The following ADCY9 variants were observed in gnomAD, a reference collection of about 807,000 sequenced individuals.
ADCY9 encodes adenylate cyclase type 9.
Under a neutral mutation model 101.5 loss-of-function variants are expected in ADCY9, and 50 were observed. The ratio of observed to expected loss-of-function variants is 0.49; its 90% CI spans 0.39 to 0.62. The LOEUF (loss-of-function observed/expected upper bound fraction) is 0.62. Among genes scored for constraint, ADCY9 ranks in the 20% least tolerant of loss-of-function variants. ADCY9 has a pLI of 0.00. For synonymous variants in ADCY9, 905 were observed against 769.3 expected (o/e 1.18, Z -2.92); for missense variants, 1,662 against 1,800.4 (o/e 0.92, Z 1.39).
At chr16:3,960,365 C>G (rs1271816710), downstream of ADCY9, among the ~76,000 whole-genome samples, 1 of 151,992 alleles carries the variant, frequency 6.6e-6, no homozygotes, top group Non-Finnish European at 1.5e-5. Flanking sequence ...ACTAAAAATA[C>G]AAAAGTTAGC....
At position 4,016,942 on chromosome 16, in the gene ADCY9, A is replaced by G. The variant is rs138613132; in HGVS notation, c.1694-9384T>C. ...TGAATATACTAAAAACCACCAAATC[A>G]TACACTTGAGAGGGTGAATTGCATC... is the stretch of plus-strand genomic sequence containing the variant. On this transcript the variant is annotated intron_variant, in intron 2 of 10. Transcript: ENST00000294016. Among the ~76,000 whole-genome samples the G allele has an allele frequency of 6.6e-5, 10 of 152,336 alleles. No homozygotes were observed. The East Asian group carries it at 1.7e-3, about 26-fold the overall frequency.
intron 2 of ADCY9, among the ~76,000 whole-genome samples, chr16:4,008,960 C>A (rs1204994819): frequency 6.6e-6 from 1 of 152,178 alleles, no homozygotes; most frequent in Admixed American, 6.5e-5. Context: ...ACTCTGGCTT[C>A]TTACGCTGGG....
At chr16:3,978,756 A>G (rs2141684572) in intron 8 of ADCY9, among the ~76,000 whole-genome samples, 1 of 152,208 alleles carries the variant, frequency 6.6e-6, no homozygotes, top group South Asian at 2.1e-4. Flanking sequence ...GTCTCGCTCC[A>G]TCACCCAGGC....
intron 10 of ADCY9, among the ~76,000 whole-genome samples, chr16:3,971,154 G>A (rs376699938): frequency 1.3e-5 from 2 of 152,000 alleles, no homozygotes; most frequent in South Asian, 4.2e-4. Context: ...CCTAATACAA[G>A]CCTGGACACC....
chr16:3,974,216 T>C (rs1456595250), intron 10 of ADCY9, among the ~76,000 whole-genome samples: 1 of 152,130 alleles, frequency 6.6e-6, no homozygotes, highest in East Asian at 1.9e-4. Context: ...TAATTTTTTG[T>C]ATTTTGTTTA....
chr16:4,034,082 C>T (rs1019441575), intron 2 of ADCY9, among the ~76,000 whole-genome samples: 3 of 152,214 alleles, frequency 2.0e-5, no homozygotes, highest in Non-Finnish European at 2.9e-5. Flanking sequence ...GGCTGCCGTG[C>T]GCCAACAAGG....
chr16:4,092,421 T>C (rs1406492897), intron 2 of ADCY9, among the ~76,000 whole-genome samples: 2 of 152,218 alleles, frequency 1.3e-5, no homozygotes, highest in Non-Finnish European at 2.9e-5. Flanking sequence ...TTCTGGTAAA[T>C]TTTCATAAAA....
At chr16:3,998,052 C>T (rs780093547) in intron 3 of ADCY9, among the ~76,000 whole-genome samples, 28 of 152,250 alleles carry the variant, frequency 1.8e-4, no homozygotes, top group Non-Finnish European at 3.2e-4. Context: ...CCAGATTGTG[C>T]CACTGCACTC....
chr16:4,096,580 A>G lies in ADCY9; in HGVS notation c.1693+17170T>C, dbSNP rs150727838. ...AATCACATTAATGAACATCAGAAGC[A>G]GTGGCCTTTCCTTATGGGAAAAAGA... is the stretch of plus-strand genomic sequence containing the variant. On this transcript the variant is annotated intron_variant, in intron 2 of 10. Transcript: ENST00000294016. Among the ~76,000 whole-genome samples, 940 of 152,362 alleles carry G rather than the reference A, an allele frequency of 6.2e-3. 10 individuals are homozygous for G. Among genetic ancestry groups the G allele is most frequent in the African/African-American group, 0.022 (896 of 41,584 alleles).
chr16:3,960,286 G>T (rs549438270), downstream of ADCY9, among the ~76,000 whole-genome samples: 2 of 151,992 alleles, frequency 1.3e-5, no homozygotes, highest in African/African-American at 4.8e-5. Flanking sequence ...TAGGGAGGCT[G>T]AGGCAAGTGG....
At chr16:4,089,255 A>G (rs1284455978) in intron 2 of ADCY9, among the ~76,000 whole-genome samples, 1 of 151,924 alleles carries the variant, frequency 6.6e-6, no homozygotes, top group African/African-American at 2.4e-5. Context: ...TTGAGTTGAC[A>G]GGATTTTGAC....
chr16:3,954,790 A>G (rs1464170111), intron 5 of ADCY9, among the ~76,000 whole-genome samples: 1 of 152,192 alleles, frequency 6.6e-6, no homozygotes, highest in East Asian at 1.9e-4. Flanking sequence ...TACTGTGGAC[A>G]CAGATGGGGA....
rs553043723 is a variant in ADCY9 at position 4,038,141 on chromosome 16, C to T, written c.1694-30583G>A. On this transcript the variant is annotated intron_variant, in intron 2 of 10. Transcript: ENST00000294016. ...ACAAAATTGTTTTTAATGAGCCAGA[C>T]GTGGTGGCACACGCCTGTGGTCTCA... Among the ~76,000 whole-genome samples, 11 of 152,160 alleles carry T rather than the reference C, an allele frequency of 7.2e-5. No homozygotes were observed. The East Asian group carries it at 1.5e-3, about 21-fold the overall frequency.
At chr16:3,987,469 A>T (rs756685237) in intron 6 of ADCY9, among the ~76,000 whole-genome samples, 2 of 152,228 alleles carry the variant, frequency 1.3e-5, no homozygotes, top group Non-Finnish European at 2.9e-5. Flanking sequence ...CCACCTGTTC[A>T]GCCTTGCTCA....
chr16:4,084,108 G>C (rs1031654426), intron 2 of ADCY9, among the ~76,000 whole-genome samples: 3 of 151,654 alleles, frequency 2.0e-5, no homozygotes, highest in South Asian at 2.1e-4. Context: ...TCTTTTGTTT[G>C]TTTTGTTTTG....
intron 2 of ADCY9, among the ~76,000 whole-genome samples, chr16:4,102,083 A>G (rs1218147851): frequency 6.6e-6 from 1 of 152,234 alleles, no homozygotes; most frequent in Admixed American, 6.5e-5. Flanking sequence ...GATTGAGCGC[A>G]GGAAGAAAGA....
At chr16:3,991,297 A>C (rs539114005) in intron 5 of ADCY9, among the ~76,000 whole-genome samples, 1 of 152,318 alleles carries the variant, frequency 6.6e-6, no homozygotes, top group South Asian at 2.1e-4. Flanking sequence ...ATTAATCAAA[A>C]TTAGTATCAC....
chr16:3,994,271 G>A (rs150684666), intron 3 of ADCY9, among the ~76,000 whole-genome samples: 137 of 152,232 alleles, frequency 9.0e-4, no homozygotes, highest in African/African-American at 3.0e-3. Context: ...CCTTGATCTC[G>A]GACTTCCCAG....
chr16:3,991,994 C>G, intron 5 of ADCY9, 152 bp downstream of exon 5: 1 of 705,462 alleles, frequency 1.4e-6, no homozygotes, highest in South Asian at 2.0e-5. Flanking sequence ...TCGTTTGAAC[C>G]TGGGAGATAG....
Sources: allele counts gnomAD v4.1 joint callset (sites outside exome capture counted in the v4.1 genomes callset), GRCh38; gene constraint gnomAD v4.1.1; transcripts MANE v1.5; gene names NCBI Gene and HGNC (gene_info 2026-07-23, HGNC 2026-07-21).